RABGAP1L: variants seen among roughly 807,000 people sequenced by gnomAD.
RABGAP1L encodes the protein rab GTPase-activating protein 1-like.
RABGAP1L carries 63 observed loss-of-function variants against 137.7 expected under a neutral mutation model. The ratio of observed to expected loss-of-function variants is 0.46; its 90% confidence interval spans 0.37 to 0.56. The LOEUF (loss-of-function observed/expected upper bound fraction) is 0.56. RABGAP1L is among the 20% of genes least tolerant of loss of function. The probability of loss-of-function intolerance (pLI) is 0.00; values close to 1 mark genes in which losing one functional copy is unlikely to be tolerated. For synonymous variants in RABGAP1L, 431 were observed against 433.7 expected, an observed-to-expected ratio of 0.99 and a Z score of 0.08; for missense variants, 1,095 against 1,244.0, an observed-to-expected ratio of 0.88 and a Z score of 1.80.
rs534256048 is a variant in RABGAP1L at position 174,486,861 on chromosome 1, A to G, written c.1710+92716A>G. 4.6e-5 allele frequency among the ~76,000 whole-genome samples: 7 copies of G among 152,098 alleles called. No individual in the cohort carries two copies. The East Asian group carries it at 5.8e-4, about 13-fold the overall frequency. On this transcript the variant is annotated intron_variant, in intron 13 of 25. Coordinates refer to ENST00000681986, the MANE Select transcript of RABGAP1L (RefSeq NM_001366446.1). ...TATCTTTTTTACAAGATATTTTTCAATTTCCTTCTTGATTTCCTTATTGAC... is the reference window on the plus strand; with the variant it reads ...TATCTTTTTTACAAGATATTTTTCAGTTTCCTTCTTGATTTCCTTATTGAC...
rs1354465177 is a variant in RABGAP1L, at chr1:174,964,986, G to GT, written c.2434-4290dup. ...TAGTTGGTCTATGACTTTTGAGGAGGTAAGTTTTTTTTTTAATCTATGTAT... is the reference window on the plus strand; with the variant it reads ...TAGTTGGTCTATGACTTTTGAGGAGGTTAAGTTTTTTTTTTAATCTATGTAT... On this transcript the variant is annotated intron_variant, in intron 20 of 25. Transcript: ENST00000681986. 4 of 1,485,074 alleles carry GT rather than the reference G, an allele frequency of 2.7e-6. No individual in the cohort carries two copies. In the African/African-American group the frequency reaches 4.2e-5, roughly 16 times the overall value. 92.0% of individuals were successfully genotyped at this position (1,485,074 alleles called of 1,614,324 possible).
rs1454527533 is a variant in RABGAP1L, at chr1:174,364,904, G to T, written c.1466-6075G>T. On this transcript the variant is annotated intron_variant, in intron 11 of 25. Transcript: ENST00000681986. ...GCAGTGGGATCCTTTTCGGCCCAGG[G>T]TGTGTCTAGAAATGTTATCCAGGAG... 2.0e-5 allele frequency among the ~76,000 whole-genome samples: 3 copies of T among 152,086 alleles called. No homozygotes were observed. In the East Asian group the frequency reaches 5.8e-4, roughly 29 times the overall value.
chr1:174,303,669 A>C (rs1284727254), intron 10 of RABGAP1L, among the ~76,000 whole-genome samples: 1 of 152,170 alleles, frequency 6.6e-6, no homozygotes, highest in African/African-American at 2.4e-5. Context: ...GTATTTTAAT[A>C]AAAATACACT....
At chr1:174,783,596 T>A (rs993293488) in intron 18 of RABGAP1L, among the ~76,000 whole-genome samples, 4 of 152,194 alleles carry the variant, frequency 2.6e-5, no homozygotes, top group Admixed American at 2.0e-4. Flanking sequence ...TGCGACAACT[T>A]ACTCAAATCT....
chr1:174,387,034 T>C (rs542148821), intron 12 of RABGAP1L, among the ~76,000 whole-genome samples: 7 of 152,328 alleles, frequency 4.6e-5, no homozygotes, highest in African/African-American at 1.4e-4. Context: ...TATTACTTGC[T>C]TCAATATAAA....
At chr1:174,577,260 CACACAT>C (rs1331000524) in intron 13 of RABGAP1L, among the ~76,000 whole-genome samples, 18 of 108,606 alleles carry the variant, frequency 1.7e-4, no homozygotes, top group African/African-American at 5.3e-4. Context: ...CACACACACA[CACACAT>C]TGAGAGTCAG....
chr1:174,959,184 T>C (rs1280298325), intron 20 of RABGAP1L, among the ~76,000 whole-genome samples: 1 of 152,244 alleles, frequency 6.6e-6, no homozygotes, highest in Non-Finnish European at 1.5e-5. Context: ...AAGCTAATTT[T>C]CACCACCAAC....
At chr1:174,238,148 T>G (rs913125154) in intron 4 of RABGAP1L, among the ~76,000 whole-genome samples, 2 of 152,128 alleles carry the variant, frequency 1.3e-5, no homozygotes, top group African/African-American at 4.8e-5. Context: ...TTCTCTGTAT[T>G]GGTTATTCTA....
chr1:174,776,798 ATGT>A (rs2148748367), intron 18 of RABGAP1L, among the ~76,000 whole-genome samples: 1 of 152,296 alleles, frequency 6.6e-6, no homozygotes, highest in South Asian at 2.1e-4. Context: ...AGCTGGCTGT[ATGT>A]TTTGGCTGAG....
intron 19 of RABGAP1L, among the ~76,000 whole-genome samples, chr1:174,953,778 T>A (rs1424693680): frequency 6.6e-6 from 1 of 151,936 alleles, no homozygotes; most frequent in East Asian, 1.9e-4. Flanking sequence ...GTCAGAGCGG[T>A]GGGGAAAAAC....
At chr1:174,365,720 G>A (rs1306958075) in intron 11 of RABGAP1L, among the ~76,000 whole-genome samples, 1 of 152,178 alleles carries the variant, frequency 6.6e-6, no homozygotes, top group Non-Finnish European at 1.5e-5. Flanking sequence ...GATGTGGGTG[G>A]GGTGGTATCA....
At chr1:174,212,262 T>C (rs186698789) in intron 1 of RABGAP1L, among the ~76,000 whole-genome samples, 22 of 152,046 alleles carry the variant, frequency 1.4e-4, no homozygotes, top group African/African-American at 5.3e-4. Context: ...AAAAAAGAAA[T>C]AATATCAAGC....
intron 19 of RABGAP1L, among the ~76,000 whole-genome samples, chr1:174,850,925 A>C (rs921917476): frequency 2.0e-5 from 3 of 152,240 alleles, no homozygotes; most frequent in African/African-American, 7.2e-5. Flanking sequence ...GAAGGCAAGT[A>C]GTTTTGAGGA....
intron 11 of RABGAP1L, among the ~76,000 whole-genome samples, chr1:174,363,181 A>G (rs1364541939): frequency 1.3e-5 from 2 of 152,158 alleles, no homozygotes; most frequent in Non-Finnish European, 2.9e-5. Context: ...CTTGGTTACC[A>G]TAGCCCTGTA....
intron 19 of RABGAP1L, among the ~76,000 whole-genome samples, chr1:174,855,349 C>G (rs954590976): frequency 6.6e-5 from 10 of 152,148 alleles, no homozygotes; most frequent in Non-Finnish European, 1.0e-4. Context: ...GAAGCTTCTT[C>G]CCACCTTATT....
chr1:174,539,483 C>T (rs1452939229), intron 13 of RABGAP1L, among the ~76,000 whole-genome samples: 1 of 152,118 alleles, frequency 6.6e-6, no homozygotes. Context: ...TGATGTTCCC[C>T]ACCCTGTGCC....
intron 19 of RABGAP1L, among the ~76,000 whole-genome samples, chr1:174,858,480 T>C (rs1385618898): frequency 6.6e-6 from 1 of 152,166 alleles, no homozygotes; most frequent in African/African-American, 2.4e-5. Context: ...CAAAGCATCT[T>C]TAAATGCACA....
chr1:174,422,376 A>AT (rs1342323224), intron 13 of RABGAP1L, among the ~76,000 whole-genome samples: 10 of 149,694 alleles, frequency 6.7e-5, no homozygotes, highest in Admixed American at 2.7e-4. Flanking sequence ...ATTTAAGTAG[A>AT]TTTTTTTTTA....
chr1:174,900,243 TA>T (rs1657915675), intron 19 of RABGAP1L, among the ~76,000 whole-genome samples: 1 of 152,184 alleles, frequency 6.6e-6, no homozygotes, highest in East Asian at 1.9e-4. Context: ...AGCACGGATT[TA>T]CTGAAAACAA....
Sources: allele counts gnomAD v4.1 joint callset (sites outside exome capture counted in the v4.1 genomes callset), GRCh38; gene constraint gnomAD v4.1.1; transcripts MANE v1.5; gene names NCBI Gene and HGNC (gene_info 2026-07-23, HGNC 2026-07-21).